The following LPIN1 variants were observed in gnomAD, a reference collection of about 807,000 sequenced individuals.
The protein encoded by LPIN1 is phosphatidate phosphatase LPIN1.
LPIN1 carries 71 observed loss-of-function variants against 107.5 expected under a neutral mutation model. The ratio of observed to expected loss-of-function variants is 0.66; its 90% confidence interval spans 0.55 to 0.80. The LOEUF (loss-of-function observed/expected upper bound fraction) is 0.80, where lower values mean the gene tolerates loss of function less well. Among genes scored for constraint, LPIN1 ranks in the 30% least tolerant of loss-of-function variants. The pLI is 0.00. For missense variants in LPIN1, 1,043 were observed against 1,160.6 expected (o/e 0.90, Z 1.47); for synonymous variants, 445 against 452.6 (o/e 0.98, Z 0.21).
chr2:11,721,219 C>T (rs889680417), upstream of LPIN1, among the ~76,000 whole-genome samples: 2 of 151,112 alleles, frequency 1.3e-5, no homozygotes, highest in African/African-American at 4.9e-5. Flanking sequence ...TAGAGATGCG[C>T]TGGGGTATCT....
In LPIN1 at chr2:11,759,586, A is replaced by G. The variant is rs866484700; in HGVS notation, c.-9-5947A>G. On this transcript the variant is annotated intron_variant, in intron 1 of 20. Transcript: ENST00000674199. ...GAGTCTCCTATGTCTACTTCTTTCT[A>G]CACAGACACAGCAACCATCTGATTT... Among the ~76,000 whole-genome samples, 27 of 152,344 alleles carry G rather than the reference A, an allele frequency of 1.8e-4. No homozygotes were observed. In the South Asian group the frequency reaches 5.6e-3, roughly 32 times the overall value.
At chr2:11,692,074 C>T (rs765559161) in intron 1 of LPIN1, among the ~76,000 whole-genome samples, 14 of 152,226 alleles carry the variant, frequency 9.2e-5, no homozygotes, top group Non-Finnish European at 2.1e-4. Flanking sequence ...GTTACCCTAA[C>T]CCTAACCCTT....
intron 1 of LPIN1, among the ~76,000 whole-genome samples, chr2:11,687,058 C>T (rs1255578701): frequency 2.2e-5 from 3 of 133,622 alleles, no homozygotes; most frequent in Non-Finnish European, 4.6e-5. Flanking sequence ...TGGAGTGCAG[C>T]GTGATCACAG....
intron 1 of LPIN1, among the ~76,000 whole-genome samples, chr2:11,733,646 G>A (rs1229276751): frequency 6.6e-6 from 1 of 151,952 alleles, no homozygotes; most frequent in East Asian, 1.9e-4. Context: ...TGTGCACAAC[G>A]ACGCCTGGAT....
chr2:11,767,874 T>A lies in LPIN1; in HGVS notation c.288+16T>A, dbSNP rs1396752940. ...TAATGATCAGGTAAGGAAGCCTGGGTGGTCAGGGTTACTTCCTAGTTTTGA... is the reference window on the plus strand; with the variant it reads ...TAATGATCAGGTAAGGAAGCCTGGGAGGTCAGGGTTACTTCCTAGTTTTGA... On this transcript the variant is annotated intron_variant, in intron 3 of 20. Transcript: ENST00000674199. 2 of 1,516,728 alleles carry A rather than the reference T, an allele frequency of 1.3e-6. No individual in the cohort carries two copies. Among genetic ancestry groups the A allele is most frequent in the East Asian group, 4.5e-5 (2 of 44,426 alleles). The allele number at this position is 1,516,728 out of a possible 1,614,324, so 94.0% of individuals were successfully genotyped here.
chr2:11,677,769 G>T lies in LPIN1; in HGVS notation c.81+41G>T, dbSNP rs1319407044. 6.1e-6 allele frequency: 9 copies of T among 1,481,288 alleles called. No individual in the cohort carries two copies. In the East Asian group the frequency reaches 2.2e-4, roughly 36 times the overall value. The allele number at this position is 1,481,288 out of a possible 1,614,324, so 91.8% of individuals were successfully genotyped here. ...GTGGCCATCTGCAAACACAGCCCCT[G>T]CTCTTCCTCCTTCCATCCCCAGGTG... On this transcript the variant is annotated intron_variant, in intron 1 of 21. Transcript: ENST00000449576.
intron 6 of LPIN1, among the ~76,000 whole-genome samples, chr2:11,778,689 C>T (rs1673060979): frequency 6.6e-6 from 1 of 152,218 alleles, no homozygotes; most frequent in South Asian, 2.1e-4. Context: ...CAATAATTAA[C>T]CATGTTATTA....
Position 11,783,818 on chromosome 2 carries a change from T to G in LPIN1, c.1265-11T>G, listed in dbSNP as rs1673982870. On this transcript the variant is annotated splice_polypyrimidine_tract_variant and intron_variant, in intron 8 of 20. Transcript: ENST00000674199. ...GAGTGGTTTTCTGACTTGAGCCATTTGCCGTTTTAGATAAACGAAGCCGAC... is the reference window on the plus strand; with the variant it reads ...GAGTGGTTTTCTGACTTGAGCCATTGGCCGTTTTAGATAAACGAAGCCGAC... 2 of 1,612,026 alleles carry G rather than the reference T, an allele frequency of 1.2e-6. No individual in the cohort carries two copies. Among genetic ancestry groups the G allele is most frequent in the East Asian group, 4.5e-5 (2 of 44,868 alleles).
chr2:11,790,030 T>C (rs1273473458), intron 12 of LPIN1, among the ~76,000 whole-genome samples: 2 of 152,204 alleles, frequency 1.3e-5, no homozygotes, highest in Non-Finnish European at 2.9e-5. Context: ...TTTCCAAAAC[T>C]TGTGAAGATA....
chr2:11,726,546 A>G (rs2148540877), intron 1 of LPIN1, among the ~76,000 whole-genome samples: 1 of 149,488 alleles, frequency 6.7e-6, no homozygotes, highest in African/African-American at 2.5e-5. Flanking sequence ...ATCAGATCCC[A>G]TCTGTTTAAG....
At chr2:11,708,329 G>A (rs542096808) in intron 1 of LPIN1, among the ~76,000 whole-genome samples, 1 of 152,172 alleles carries the variant, frequency 6.6e-6, no homozygotes, top group Non-Finnish European at 1.5e-5. Context: ...CTCTGAGAAG[G>A]CCCCATGGAG....
chr2:11,750,707 G>A (rs1667663661), intron 1 of LPIN1, among the ~76,000 whole-genome samples: 1 of 152,220 alleles, frequency 6.6e-6, no homozygotes, highest in Non-Finnish European at 1.5e-5. Context: ...AGAGAGCTTA[G>A]TAACCTGTCT....
intron 1 of LPIN1, among the ~76,000 whole-genome samples, chr2:11,702,765 T>A (rs1335281582): frequency 3.9e-5 from 6 of 152,214 alleles, no homozygotes; most frequent in Non-Finnish European, 8.8e-5. Context: ...TCTGCTTCTC[T>A]GTCTCTCTCT....
chr2:11,679,806 G>A (rs920104197), intron 1 of LPIN1, among the ~76,000 whole-genome samples: 4 of 152,224 alleles, frequency 2.6e-5, no homozygotes, highest in African/African-American at 4.8e-5. Flanking sequence ...GATGGGGGCC[G>A]GGGGAGTCTG....
rs372352228 is a variant in LPIN1, at chr2:11,748,561, A to G, written c.-10+1890A>G. The stretch of plus-strand genomic sequence containing the variant: ...TCCACGAATCATTGTGGTTGTTATG[A>G]TTTTAAAGTGCCACAGGGTGCCAGC... On this transcript the variant is annotated intron_variant, in intron 1 of 20. Coordinates refer to ENST00000674199, the MANE Select transcript of LPIN1 (RefSeq NM_001349206.2). 1.9e-3 allele frequency among the ~76,000 whole-genome samples: 288 copies of G among 152,252 alleles called. 2 individuals carry two copies. Among genetic ancestry groups the G allele is most frequent in the African/African-American group, 5.0e-3 (206 of 41,544 alleles).
intron 1 of LPIN1, among the ~76,000 whole-genome samples, chr2:11,702,815 A>G (rs1001867224): frequency 6.6e-6 from 1 of 151,834 alleles, no homozygotes; most frequent in Admixed American, 6.6e-5. Context: ...TCTCCTCACT[A>G]TGGCACAAGC....
rs1370206527 is a variant in LPIN1 at position 11,707,986 on chromosome 2, C to A, written c.82-5770C>A. Among the ~76,000 whole-genome samples the A allele has an allele frequency of 6.6e-6, 1 of 152,280 alleles. No individual in the cohort carries two copies. The highest frequency in any genetic ancestry group is 1.5e-5 in the Non-Finnish European group (1 of 68,020). Reference sequence around the variant, plus strand: ...GGGAAGTGAACTGAACTGGGCTTCACTGAGAAAGATCCTGAGTGATGATCA... The same window carrying A: ...GGGAAGTGAACTGAACTGGGCTTCAATGAGAAAGATCCTGAGTGATGATCA... On this transcript the variant is annotated intron_variant, in intron 1 of 21. Transcript: ENST00000449576. This position sits in a 1 kb window ranked among gnomAD's most constrained non-coding sequence, Gnocchi z 4.2.
chr2:11,783,991 C>T (rs2148659052), intron 9 of LPIN1, 69 bp downstream of exon 9: 1 of 1,610,522 alleles, frequency 6.2e-7, no homozygotes. Flanking sequence ...AGACCAGTTT[C>T]CCCTTATGTT....
intron 1 of LPIN1, among the ~76,000 whole-genome samples, chr2:11,713,052 G>A (rs773791477): frequency 1.3e-5 from 2 of 152,186 alleles, no homozygotes; most frequent in Non-Finnish European, 2.9e-5. Flanking sequence ...AAGCCCTGTG[G>A]CTAAGAAACA....
Sources: allele counts gnomAD v4.1 joint callset (sites outside exome capture counted in the v4.1 genomes callset), GRCh38; gene constraint gnomAD v4.1.1; non-coding constraint Gnocchi (gnomAD v3.1); transcripts MANE v1.5; gene names NCBI Gene and HGNC (gene_info 2026-07-23, HGNC 2026-07-21).